The following RDH16 variants were observed in gnomAD, a reference collection of about 807,000 sequenced individuals.
The protein encoded by RDH16 is human epidermal retinol dehydrogenase.
Under a neutral mutation model 22.3 loss-of-function variants are expected in RDH16, and 25 were observed. The ratio of observed to expected loss-of-function variants is 1.12; its 90% CI spans 0.82 to 1.56. The LOEUF (loss-of-function observed/expected upper bound fraction) is 1.56, where lower values mean the gene tolerates loss of function less well. RDH16 is among the 40% of genes most tolerant of loss of function. The pLI, the probability that RDH16 is intolerant of heterozygous loss-of-function variation, is 0.00. For missense variants in RDH16, 413 were observed against 394.9 expected, an observed-to-expected ratio of 1.05 and a Z score of -0.39; for synonymous variants, 154 against 164.4, an observed-to-expected ratio of 0.94 and a Z score of 0.48.
At chr12:56,956,901 G>C (rs1371458022) in intron 1 of RDH16, among the ~76,000 whole-genome samples, 1 of 152,162 alleles carries the variant, frequency 6.6e-6, no homozygotes, top group Non-Finnish European at 1.5e-5. Context: ...GGAGAGGATA[G>C]AGAGGAATTC....
At chr12:56,956,227 T>C (rs1955927866) in intron 1 of RDH16, among the ~76,000 whole-genome samples, 1 of 152,172 alleles carries the variant, frequency 6.6e-6, no homozygotes, top group South Asian at 2.1e-4. Context: ...AGATGACATT[T>C]ATGATGAATA....
Position 56,954,930 on chromosome 12 carries a change from A to G in RDH16, c.548T>C (p.Val183Ala). ...GGGYCISKYGVEAFSDSLRRE... is the reference protein window; with the variant it reads ...GGGYCISKYGAEAFSDSLRRE... ...CCTGAGGGAGTCAGAGAAGGCTTCCACGCCATACTTGGAGATGCAGTAGCC... is the reference window on the plus strand; with the variant it reads ...CCTGAGGGAGTCAGAGAAGGCTTCCGCGCCATACTTGGAGATGCAGTAGCC... The change falls in exon 2 of 4, where the codon GTG becomes GCG. Residue 183 changes from valine to alanine, a missense_variant. Physicochemically the swap from Val to Ala is moderately conservative, Grantham distance 64. Coordinates refer to ENST00000398138, the MANE Select transcript of RDH16 (RefSeq NM_003708.5). 3.1e-6 allele frequency: 5 copies of G among 1,614,184 alleles called. No individual in the cohort carries two copies. The highest frequency in any genetic ancestry group is 4.2e-6 in the Non-Finnish European group (5 of 1,180,038).
In RDH16 at chr12:56,957,235, C is replaced by T; in HGVS notation, c.228G>A (p.Arg76=). 6.2e-7 allele frequency: 1 copy of T among 1,614,194 alleles called. No individual in the cohort carries two copies. Among genetic ancestry groups the T allele is most frequent in the Non-Finnish European group, 8.5e-7 (1 of 1,180,026 alleles). The part of the protein sequence containing the change: ...AEQLRGQTSD[R]LETVTLDVTK... Reference sequence around the variant, plus strand: ...TAACATCCAGGGTCACCGTCTCCAGCCTGTCTGAAGTCTGGCCCCTCAGCT... The same window carrying T: ...TAACATCCAGGGTCACCGTCTCCAGTCTGTCTGAAGTCTGGCCCCTCAGCT... Residue 76 remains arginine (R), a synonymous_variant, in exon 1 of 4, where the codon AGG becomes AGA. Transcript: ENST00000398138.
rs534703097 is a variant in RDH16 at position 56,954,990 on chromosome 12, G to A, written c.488C>T (p.Ser163Phe). ...RRARGRVVNV[S>F]SVMGRVSLFG... ...AAGTGACACCCGGCCCATGACACTG[G>A]AGACGTTGACCACACGGCCCCTGGC... The change falls in exon 2 of 4, where the codon TCC becomes TTC. Residue 163 changes from serine to phenylalanine, a missense_variant. By Grantham distance (155) the Ser-to-Phe change is radical. Transcript: ENST00000398138. The A allele has an allele frequency of 6.2e-7, 1 of 1,614,188 alleles. No individual in the cohort carries two copies. Among genetic ancestry groups the A allele is most frequent in the Non-Finnish European group, 8.5e-7 (1 of 1,180,028 alleles).
rs146877047 is a variant in RDH16, at chr12:56,956,379, A to T, written c.313+771T>A. ...GTGGAAAAGTGTTCATCTTCTCCAG[A>T]GAATTTAAGGTGACTGAAACTAAGA... On this transcript the variant is annotated intron_variant, in intron 1 of 3. Coordinates refer to ENST00000398138, the MANE Select transcript of RDH16 (RefSeq NM_003708.5). Among the ~76,000 whole-genome samples, 20 of 152,334 alleles carry T rather than the reference A, an allele frequency of 1.3e-4. 4 individuals carry two copies. Among genetic ancestry groups the T allele is most frequent in the African/African-American group, 4.8e-4 (20 of 41,582 alleles).
At chr12:56,954,286 G>A (rs1249962223) in intron 2 of RDH16, among the ~76,000 whole-genome samples, 1 of 152,186 alleles carries the variant, frequency 6.6e-6, no homozygotes, top group African/African-American at 2.4e-5. Context: ...CTGGGAGGAG[G>A]GGTTGGGGTC....
Position 56,952,052 on chromosome 12 carries a change from G to C in RDH16, c.931C>G (p.Pro311Ala). The C allele has an allele frequency of 6.2e-7, 1 of 1,614,096 alleles. No individual in the cohort carries two copies. The highest frequency in any genetic ancestry group is 8.5e-7 in the Non-Finnish European group (1 of 1,180,006). ...CTTCATAGAGCCTTGGCCGGGCTTG[G>C]AGAGACCCAGTACATAATGGCATCC... The part of the protein sequence containing the change: ...LVDAIMYWVS[P>A]SPAKAL The change falls in exon 4 of 4, where the codon CCA (proline) becomes GCA (alanine). Residue 311 changes from proline to alanine, a missense_variant. Transcript: ENST00000398138.
Position 56,951,854 on chromosome 12 carries a change from C to A in RDH16, c.*175G>T. On this transcript the variant is annotated 3_prime_UTR_variant, in exon 4 of 4. Transcript: ENST00000398138. Reference sequence around the variant, plus strand: ...TAACTTGAAACTTTCCTACCAACATCTCCAGAGAGCAGAATTATCTCCCAG... The same window carrying A: ...TAACTTGAAACTTTCCTACCAACATATCCAGAGAGCAGAATTATCTCCCAG... 1.6e-6 allele frequency: 1 copy of A among 612,264 alleles called. No individual in the cohort carries two copies. The highest frequency in any genetic ancestry group is 2.9e-6 in the Non-Finnish European group (1 of 345,844). The allele number at this position is 612,264 out of a possible 1,614,324, so 37.9% of individuals were successfully genotyped here. A position where few individuals can be genotyped will look rare whatever the true frequency, so the allele number is the denominator to read the frequency against.
At chr12:56,955,243 C>T in intron 1 of RDH16, 79 bp from the exon 2 acceptor site, 2 of 1,538,780 alleles carry the variant, frequency 1.3e-6, no homozygotes, top group Non-Finnish European at 1.8e-6. Context: ...AAATCACATC[C>T]CAATAAAGTG....
chr12:56,953,706 G>T (rs904991975), intron 2 of RDH16, among the ~76,000 whole-genome samples: 1 of 152,086 alleles, frequency 6.6e-6, no homozygotes, highest in African/African-American at 2.4e-5. Context: ...CTTCATCTAG[G>T]AGCCTTTCCC....
rs776999787 is a variant in RDH16, at chr12:56,954,899, C to G, written c.572+7G>C. On this transcript the variant is annotated splice_region_variant and intron_variant, in intron 2 of 3. Transcript: ENST00000398138. ...AGACTAGGGTGGGCCCCATCCCAGA[C>G]CCATACCTGAGGGAGTCAGAGAAGG... The G allele has an allele frequency of 1.9e-6, 3 of 1,614,080 alleles. No homozygotes were observed. The highest frequency in any genetic ancestry group is 2.5e-6 in the Non-Finnish European group (3 of 1,179,996).
chr12:56,957,144 G>A lies in RDH16; in HGVS notation c.313+6C>T, dbSNP rs11172074. 63,310 of 1,600,012 alleles carry A rather than the reference G, an allele frequency of 0.04. 1,513 individuals carry two copies. Among genetic ancestry groups the A allele is most frequent in the Non-Finnish European group, 0.045 (53,159 of 1,170,278 alleles). On this transcript the variant is annotated splice_donor_region_variant and intron_variant, in intron 1 of 3. Transcript: ENST00000398138. ...ACAGACAGACTTGACAAACCTGGGT[G>A]GTTACCTTTGTCTCTCACGCACTCC... is the stretch of plus-strand genomic sequence containing the variant.
chr12:56,952,714 G>T lies in RDH16; in HGVS notation c.736+113C>A, dbSNP rs576404057. On this transcript the variant is annotated intron_variant, in intron 3 of 3. Coordinates refer to ENST00000398138, the MANE Select transcript of RDH16 (RefSeq NM_003708.5). Reference sequence around the variant, plus strand: ...AAATGGGGCTAAAGGTCTCCACTCTGTGGGGAAGGGAGAGCCTGGGGATCA... The same window carrying T: ...AAATGGGGCTAAAGGTCTCCACTCTTTGGGGAAGGGAGAGCCTGGGGATCA... The T allele has an allele frequency of 6.2e-5, 82 of 1,329,896 alleles. No individual in the cohort carries two copies. The African/African-American group carries it at 9.9e-4, about 16-fold the overall frequency. The allele number at this position is 1,329,896 out of a possible 1,614,324, so 82.4% of individuals were successfully genotyped here. A position where few individuals can be genotyped will look rare whatever the true frequency, so the allele number is the denominator to read the frequency against.
At position 56,957,244 on chromosome 12, in the gene RDH16, A is replaced by G. The variant is rs1342003750; in HGVS notation, c.219T>C (p.Thr73=). Residue 73 remains threonine, a synonymous_variant, in exon 1 of 4, where the codon ACT becomes ACC. Coordinates refer to ENST00000398138, the MANE Select transcript of RDH16 (RefSeq NM_003708.5). ...EKGAEQLRGQ[T]SDRLETVTLD... Reference sequence around the variant, plus strand: ...GGGTCACCGTCTCCAGCCTGTCTGAAGTCTGGCCCCTCAGCTGCTCGGCTC... The same window carrying G: ...GGGTCACCGTCTCCAGCCTGTCTGAGGTCTGGCCCCTCAGCTGCTCGGCTC... 2 of 1,614,162 alleles carry G rather than the reference A, an allele frequency of 1.2e-6. No individual in the cohort carries two copies. Among genetic ancestry groups the G allele is most frequent in the Admixed American group, 3.3e-5 (2 of 60,028 alleles).
intron 1 of RDH16, among the ~76,000 whole-genome samples, chr12:56,956,868 C>T (rs1163159581): frequency 1.3e-5 from 2 of 152,162 alleles, no homozygotes; most frequent in African/African-American, 4.8e-5. Context: ...TCAAACAACA[C>T]ATGACTTCTG....
At chr12:56,957,054 A>G (rs1955934750) in intron 1 of RDH16, 96 bp downstream of exon 1, 2 of 1,241,472 alleles carry the variant, frequency 1.6e-6, no homozygotes, top group South Asian at 1.4e-5. Flanking sequence ...TTCAACCTGG[A>G]AAGACACTGT....
At position 56,957,273 on chromosome 12, in the gene RDH16, T is replaced by C; in HGVS notation, c.190A>G (p.Lys64Glu). The change falls in exon 1 of 4, where the codon AAA becomes GAA. Residue 64 changes from lysine (K) to glutamate (E), a missense_variant. Coordinates refer to ENST00000398138, the MANE Select transcript of RDH16 (RefSeq NM_003708.5). ...LRVLAACLTE[K>E]GAEQLRGQTS... ...TGGCCCCTCAGCTGCTCGGCTCCTTTCTCCGTCAGACATGCAGCCAGCACC... is the reference window on the plus strand; with the variant it reads ...TGGCCCCTCAGCTGCTCGGCTCCTTCCTCCGTCAGACATGCAGCCAGCACC... The C allele has an allele frequency of 1.9e-6, 3 of 1,614,158 alleles. No individual in the cohort carries two copies. Among genetic ancestry groups the C allele is most frequent in the Non-Finnish European group, 2.5e-6 (3 of 1,180,030 alleles).
chr12:56,954,866 G>A, intron 2 of RDH16, 40 bp downstream of exon 2: 1 of 1,609,092 alleles, frequency 6.2e-7, no homozygotes, highest in Non-Finnish European at 8.5e-7. Flanking sequence ...ACAAGGACAG[G>A]AGCAGGAAGA....
chr12:56,955,164 C>T lies in RDH16; in HGVS notation c.314G>A (p.Gly105Glu). ...AGCATTATTCACCAGGCCCCAGAGT[C>T]CTGGGACAGTGGGAAGATGAGAGAG... Reference protein sequence around the residue: ...QWVKECVRDKGLWGLVNNAGI... With the variant: ...QWVKECVRDKELWGLVNNAGI... The change falls in exon 2 of 4, where the codon GGA (glycine) becomes GAA (glutamate). Residue 105 changes from glycine to glutamate, a missense_variant and splice_region_variant. Physicochemically the swap from Gly to Glu is moderately conservative, Grantham distance 98 (BLOSUM62 -2). Transcript: ENST00000398138. 6.2e-7 allele frequency: 1 copy of T among 1,613,984 alleles called. No individual in the cohort carries two copies. The highest frequency in any genetic ancestry group is 1.1e-5 in the South Asian group (1 of 91,042).
Sources: allele counts gnomAD v4.1 joint callset (sites outside exome capture counted in the v4.1 genomes callset), GRCh38; gene constraint gnomAD v4.1.1; transcripts MANE v1.5; gene names NCBI Gene and HGNC (gene_info 2026-07-23, HGNC 2026-07-21).